AMMECR1: variants seen among roughly 807,000 people sequenced by gnomAD.
AMMECR1 encodes nuclear protein AMMECR1.
In AMMECR1, 3 loss-of-function variants were observed where a neutral mutation model predicts 22.5. That is an observed-to-expected ratio of 0.13 (90% CI 0.06 to 0.35). The LOEUF (loss-of-function observed/expected upper bound fraction) is 0.35, where lower values mean the gene tolerates loss of function less well. Ranked by LOEUF, AMMECR1 falls within the 10% of genes least tolerant of loss-of-function variation. The probability of loss-of-function intolerance (pLI) is 1.00; values close to 1 mark genes in which losing one functional copy is unlikely to be tolerated. For missense variants in AMMECR1, 235 were observed against 278.7 expected, an observed-to-expected ratio of 0.84 and a Z score of 1.12; for synonymous variants, 130 against 116.7, an observed-to-expected ratio of 1.11 and a Z score of -0.74.
intron 2 of AMMECR1, among the ~76,000 whole-genome samples, chrX:110,379,074 C>T (rs1003590434): frequency 5.4e-5 from 6 of 112,105 alleles, no homozygotes; most frequent in African/African-American, 9.7e-5. Context: ...GTTTGGAGAC[C>T]TTTCCCTGAT....
At chrX:110,307,265 T>G (rs868572608) in intron 1 of AMMECR1, 1 of 101,779 alleles carries the variant, frequency 9.8e-6, no homozygotes, top group African/African-American at 3.6e-5. Flanking sequence ...AAAAAAAAAG[T>G]AAACTACCAT....
chrX:110,239,814 T>C (rs1260074146), intron 2 of AMMECR1, among the ~76,000 whole-genome samples: 4 of 111,430 alleles, frequency 3.6e-5, no homozygotes, highest in African/African-American at 9.8e-5. Context: ...AAAGGTCGGG[T>C]TACCCACAAA....
chrX:110,383,916 G>A (rs1400023652), intron 2 of AMMECR1, among the ~76,000 whole-genome samples: 1 of 112,065 alleles, frequency 8.9e-6, no homozygotes, highest in Non-Finnish European at 1.9e-5. Flanking sequence ...GCTATGTGAT[G>A]TTGAGCCAAT....
chrX:110,378,902 G>A (rs1365296665), intron 2 of AMMECR1, among the ~76,000 whole-genome samples: 1 of 109,845 alleles, frequency 9.1e-6, no homozygotes, highest in Non-Finnish European at 1.9e-5. Flanking sequence ...ACACTGAAAT[G>A]GCACCTGCTG....
At chrX:110,219,690 A>G in intron 2 of AMMECR1, 1 of 543,833 alleles carries the variant, frequency 1.8e-6, no homozygotes. Flanking sequence ...TAAAATGACA[A>G]TGGTGCCTCA....
intron 2 of AMMECR1, among the ~76,000 whole-genome samples, chrX:110,399,208 C>G (rs1489654889): frequency 8.9e-6 from 1 of 112,578 alleles, no homozygotes; most frequent in Admixed American, 9.4e-5. Context: ...GCACATTCCA[C>G]TTTCTGTACC....
chrX:110,410,416 C>T (rs894094734), intron 2 of AMMECR1, among the ~76,000 whole-genome samples: 2 of 111,960 alleles, frequency 1.8e-5, no homozygotes, highest in African/African-American at 3.3e-5. Context: ...AAGAGGAACT[C>T]GCCAATATCT....
chrX:110,343,994 T>C (rs1389272317), intron 2 of AMMECR1, among the ~76,000 whole-genome samples: 1 of 111,849 alleles, frequency 8.9e-6, no homozygotes, highest in African/African-American at 3.3e-5. Flanking sequence ...AAAAAACTAC[T>C]TTAAAGTTCA....
At chrX:110,369,641 C>G in intron 2 of AMMECR1, among the ~76,000 whole-genome samples, 1 of 111,522 alleles carries the variant, frequency 9.0e-6, no homozygotes, top group South Asian at 3.9e-4. Flanking sequence ...CCCTCTGCCC[C>G]CAGCCACCAA....
At chrX:110,362,479 C>G (rs949169800) in intron 2 of AMMECR1, among the ~76,000 whole-genome samples, 1 of 112,234 alleles carries the variant, frequency 8.9e-6, no homozygotes, top group South Asian at 3.6e-4. Flanking sequence ...CTAGCAATAG[C>G]TTCTATTGAC....
intron 1 of AMMECR1, 62 bp from the exon 2 acceptor site, chrX:110,264,661 G>T: frequency 1.1e-6 from 1 of 911,732 alleles, no homozygotes; most frequent in Non-Finnish European, 1.6e-6. Flanking sequence ...TATTTATTGA[G>T]TATTGACTGT....
intron 1 of AMMECR1, among the ~76,000 whole-genome samples, chrX:110,271,477 G>C (rs1382770572): frequency 8.9e-6 from 1 of 111,976 alleles, no homozygotes; most frequent in African/African-American, 3.2e-5. Context: ...CATACAATCA[G>C]CCAAAGCACA....
chrX:110,302,333 C>T (rs2067971501), intron 1 of AMMECR1, among the ~76,000 whole-genome samples: 1 of 110,307 alleles, frequency 9.1e-6, no homozygotes, highest in Admixed American at 9.7e-5. Context: ...CACTCAAATC[C>T]AATGATTGAA....
At chrX:110,262,068 A>T (rs1429634878) in intron 2 of AMMECR1, among the ~76,000 whole-genome samples, 1 of 111,911 alleles carries the variant, frequency 8.9e-6, no homozygotes, top group Non-Finnish European at 1.9e-5. Context: ...AAATAATCAT[A>T]ATAACATAAT....
chrX:110,433,294 A>C (rs1351230809), intron 1 of AMMECR1, among the ~76,000 whole-genome samples: 4 of 112,422 alleles, frequency 3.6e-5, no homozygotes, highest in Admixed American at 2.8e-4. Flanking sequence ...AGAAGTGATA[A>C]CTTGAATGGG....
chrX:110,407,549 A>G (rs2068611437), intron 2 of AMMECR1, among the ~76,000 whole-genome samples: 1 of 112,373 alleles, frequency 8.9e-6, no homozygotes. Context: ...TATTGTTGCC[A>G]TTTTTCCAGG....
intron 1 of AMMECR1, among the ~76,000 whole-genome samples, chrX:110,265,954 G>T (rs1053759375): frequency 9.0e-6 from 1 of 111,605 alleles, no homozygotes; most frequent in African/African-American, 3.3e-5. Flanking sequence ...AAACCAGGGA[G>T]AAGTACTAAG....
intron 2 of AMMECR1, among the ~76,000 whole-genome samples, chrX:110,379,952 C>A (rs891507908): frequency 1.8e-5 from 2 of 111,590 alleles, no homozygotes; most frequent in African/African-American, 6.5e-5. Context: ...TTATTATAAT[C>A]CTCATTTACA....
chrX:110,378,410 A>G (rs1258836427), intron 2 of AMMECR1, among the ~76,000 whole-genome samples: 3 of 111,675 alleles, frequency 2.7e-5, no homozygotes, highest in Non-Finnish European at 5.6e-5. Context: ...TATCCAAAGT[A>G]TCCTAAACAT....
Sources: gnomAD v4.1 joint callset for allele counts (sites outside exome capture counted in the v4.1 genomes callset) on GRCh38, gnomAD v4.1.1 for gene constraint, MANE v1.5 for transcripts, NCBI Gene and HGNC (gene_info 2026-07-23, HGNC 2026-07-21) for gene names.